SLTM: variants seen among roughly 807,000 people sequenced by gnomAD.
SLTM encodes SAFB like transcription modulator.
A neutral mutation model predicts 134.6 loss-of-function variants in SLTM; 43 were observed. That is an observed-to-expected ratio of 0.32 (90% CI 0.25 to 0.41). The LOEUF (loss-of-function observed/expected upper bound fraction) is 0.41, where lower values mean the gene tolerates loss of function less well. Among genes scored for constraint, SLTM ranks in the 10% least tolerant of loss-of-function variants. The probability of loss-of-function intolerance (pLI) is 1.00; values close to 1 mark genes in which losing one functional copy is unlikely to be tolerated. For synonymous variants in SLTM, 424 were observed against 432.3 expected, an observed-to-expected ratio of 0.98 and a Z score of 0.24; for missense variants, 1,055 against 1,288.8, an observed-to-expected ratio of 0.82 and a Z score of 2.78.
At chr15:58,912,476 T>G in intron 5 of SLTM, 87 bp downstream of exon 5, 1 of 1,110,144 alleles carries the variant, frequency 9.0e-7, no homozygotes, top group Non-Finnish European at 1.4e-6. Flanking sequence ...GTTATATGAA[T>G]TAAAGAATTA....
At chr15:58,888,080 C>T (rs566962270) in intron 17 of SLTM, among the ~76,000 whole-genome samples, 4 of 152,168 alleles carry the variant, frequency 2.6e-5, no homozygotes, top group East Asian at 1.9e-4. Flanking sequence ...TTTGAACCCA[C>T]GAGGCAGAGG....
At position 58,894,133 on chromosome 15, in the gene SLTM, T is replaced by C. The variant is rs1332985583; in HGVS notation, c.1438A>G (p.Arg480Gly). Residue 480 changes from arginine to glycine, a missense_variant, in exon 11 of 21, where the codon AGA becomes GGA. Coordinates refer to ENST00000380516, the MANE Select transcript of SLTM (RefSeq NM_024755.4). ...KKENDEKSSS[R>G]SSGDKKNTSD... ...GTATTTTTTTTATCTCCAGAACTTC[T>C]TGAACTACTCTTTTCATCATTTTCT... 2 of 1,611,816 alleles carry C rather than the reference T, an allele frequency of 1.2e-6. No homozygotes were observed. Among genetic ancestry groups the C allele is most frequent in the Non-Finnish European group, 1.7e-6 (2 of 1,179,040 alleles).
chr15:58,930,274 C>T (rs1240469188), intron 2 of SLTM, among the ~76,000 whole-genome samples: 1 of 131,600 alleles, frequency 7.6e-6, no homozygotes, highest in Admixed American at 9.0e-5. Flanking sequence ...CGCCACCATG[C>T]CCAGCTATTT....
At chr15:58,881,472 A>T (rs2033704640) in intron 20 of SLTM, among the ~76,000 whole-genome samples, 1 of 151,906 alleles carries the variant, frequency 6.6e-6, no homozygotes, top group African/African-American at 2.4e-5. Flanking sequence ...GGATGCAGTG[A>T]GCTGAGATAG....
chr15:58,908,735 T>G (rs891876503), intron 5 of SLTM, among the ~76,000 whole-genome samples: 47 of 152,296 alleles, frequency 3.1e-4, no homozygotes, highest in African/African-American at 8.4e-4. Flanking sequence ...CCTAGATATG[T>G]ATCAGTGGGT....
At chr15:58,929,186 A>G (rs1302360432) in intron 2 of SLTM, among the ~76,000 whole-genome samples, 1 of 152,202 alleles carries the variant, frequency 6.6e-6, no homozygotes, top group South Asian at 2.1e-4. Context: ...ACTGATTATC[A>G]GCCAGGTGCG....
chr15:58,927,251 G>A lies in SLTM; in HGVS notation c.250+5105C>T, dbSNP rs189117915. Among the ~76,000 whole-genome samples the A allele has an allele frequency of 5.7e-3, 865 of 152,108 alleles. 8 individuals are homozygous for A. The highest frequency in any genetic ancestry group is 9.4e-3 in the Non-Finnish European group (642 of 67,972). On this transcript the variant is annotated intron_variant, in intron 2 of 20. Transcript: ENST00000380516. ...TATTTCTTTTTTTTGTTTGTTTTCT[G>A]TTTTTTGAGACCAAGTTTCTAAAGA...
chr15:58,888,786 G>T, intron 16 of SLTM: 1 of 369,100 alleles, frequency 2.7e-6, no homozygotes, highest in South Asian at 8.2e-5. Flanking sequence ...AAAACTGCCT[G>T]TCTTTTCCAT....
At chr15:58,885,716 G>A (rs1303107749) in intron 19 of SLTM, among the ~76,000 whole-genome samples, 6 of 152,014 alleles carry the variant, frequency 3.9e-5, no homozygotes, top group African/African-American at 9.7e-5. Context: ...CCTGGGAGGC[G>A]GAGGTTGCCG....
rs189896978 is a variant in SLTM at position 58,926,705 on chromosome 15, C to T, written c.250+5651G>A. ...TTTCGGCTCACTGCAACCTCCTCCTCCCAAGTTCAAGTGATTCTCCTGCCT... is the reference window on the plus strand; with the variant it reads ...TTTCGGCTCACTGCAACCTCCTCCTTCCAAGTTCAAGTGATTCTCCTGCCT... On this transcript the variant is annotated intron_variant, in intron 2 of 20. Coordinates refer to ENST00000380516, the MANE Select transcript of SLTM (RefSeq NM_024755.4). Among the ~76,000 whole-genome samples, 250 of 151,750 alleles carry T rather than the reference C, an allele frequency of 1.6e-3. 1 individual carries two copies. The highest frequency in any genetic ancestry group is 5.7e-3 in the African/African-American group (235 of 41,340).
chr15:58,925,297 A>G (rs2037380066), intron 2 of SLTM, among the ~76,000 whole-genome samples: 1 of 152,064 alleles, frequency 6.6e-6, no homozygotes, highest in Admixed American at 6.6e-5. Flanking sequence ...GGCCTTGCAC[A>G]TTGTCTTAAA....
At chr15:58,926,229 T>G (rs1312840464) in intron 2 of SLTM, among the ~76,000 whole-genome samples, 1 of 152,134 alleles carries the variant, frequency 6.6e-6, no homozygotes, top group African/African-American at 2.4e-5. Context: ...ACAGAAGCTG[T>G]TGAGAAGAAT....
intron 2 of SLTM, among the ~76,000 whole-genome samples, chr15:58,927,398 T>A (rs1434595840): frequency 1.3e-5 from 2 of 152,096 alleles, no homozygotes; most frequent in Non-Finnish European, 2.9e-5. Flanking sequence ...GCCTCCCAAG[T>A]AGCGAGGATT....
In SLTM at chr15:58,932,556, G is replaced by A. The variant is rs765803424; in HGVS notation, c.163-113C>T. ...AAGCCTCAAGACATTAGAATTGCCA[G>A]TCATTTCATCAACCGACTTCAAAAA... is the stretch of plus-strand genomic sequence containing the variant. On this transcript the variant is annotated intron_variant, in intron 1 of 20. Coordinates refer to ENST00000380516, the MANE Select transcript of SLTM (RefSeq NM_024755.4). 88 of 670,216 alleles carry A rather than the reference G, an allele frequency of 1.3e-4. 1 individual carries two copies. Among genetic ancestry groups the A allele is most frequent in the Non-Finnish European group, 2.0e-5 (8 of 391,676 alleles). 41.5% of individuals were successfully genotyped at this position (670,216 alleles called of 1,614,324 possible).
chr15:58,922,149 G>A (rs896086269), intron 2 of SLTM, among the ~76,000 whole-genome samples: 36 of 151,944 alleles, frequency 2.4e-4, no homozygotes, highest in African/African-American at 8.5e-4. Context: ...GCCGAGGTGG[G>A]TGGACCACTT....
In SLTM at chr15:58,879,873, A is replaced by C; in HGVS notation, c.*126T>G. ...CAAAATTGAGAAAAGCAATCATGTT[A>C]AATTTTTAAAAAGAAAAGTCTGACA... On this transcript the variant is annotated 3_prime_UTR_variant, in exon 21 of 21. Transcript: ENST00000380516. The C allele has an allele frequency of 8.6e-7, 1 of 1,165,314 alleles. No homozygotes were observed. The highest frequency in any genetic ancestry group is 1.2e-6 in the Non-Finnish European group (1 of 868,150). The allele number at this position is 1,165,314 out of a possible 1,614,324, so 72.2% of individuals were successfully genotyped here. A position where few individuals can be genotyped will look rare whatever the true frequency, so the allele number is the denominator to read the frequency against.
rs746336725 is a variant in SLTM at position 58,899,660 on chromosome 15, G to T, written c.867C>A (p.Ser289Arg). Residue 289 changes from serine (S) to arginine (R), a missense_variant, in exon 7 of 21, where the codon AGC becomes AGA. Ser to Arg is a moderately radical substitution (Grantham distance 110, BLOSUM62 -1). Coordinates refer to ENST00000380516, the MANE Select transcript of SLTM (RefSeq NM_024755.4). The surrounding 1 kb of genome is among the most constrained non-coding windows in gnomAD (Gnocchi z 5.0). ...PKDGQDAIAQ[S>R]PEKESKDYEM... ...CATAATCCTTGCTTTCCTTCTCCGG[G>T]CTCTGTGCAATGGCGTCCTGCCCAT... 3 of 1,614,026 alleles carry T rather than the reference G, an allele frequency of 1.9e-6. No homozygotes were observed. Among genetic ancestry groups the T allele is most frequent in the Non-Finnish European group, 1.7e-6 (2 of 1,180,012 alleles).
chr15:58,902,363 C>T (rs1045929783), intron 5 of SLTM, among the ~76,000 whole-genome samples: 16 of 150,250 alleles, frequency 1.1e-4, no homozygotes, highest in African/African-American at 3.2e-4. Context: ...CAAACCACTA[C>T]GCTTGGCTTA....
chr15:58,928,661 ATAGT>A (rs1488023519), intron 2 of SLTM, among the ~76,000 whole-genome samples: 13 of 152,176 alleles, frequency 8.5e-5, no homozygotes, highest in Non-Finnish European at 1.8e-4. Flanking sequence ...AAGTTACCCT[ATAGT>A]TATTTTATAA....
Sources: gnomAD v4.1 joint callset for allele counts (sites outside exome capture counted in the v4.1 genomes callset) on GRCh38, gnomAD v4.1.1 for gene constraint, Gnocchi (gnomAD v3.1) non-coding constraint, MANE v1.5 for transcripts, NCBI Gene and HGNC (gene_info 2026-07-23, HGNC 2026-07-21) for gene names.